The following ELSPBP1 variants were observed in gnomAD, a reference collection of about 807,000 sequenced individuals.
ELSPBP1 encodes epididymal sperm-binding protein 1.
ELSPBP1 carries 38 observed loss-of-function variants against 33.3 expected under a neutral mutation model. The ratio of observed to expected loss-of-function variants is 1.14; its 90% confidence interval spans 0.88 to 1.50. The LOEUF (loss-of-function observed/expected upper bound fraction) is 1.50. Ranked by LOEUF, ELSPBP1 falls within the 40% of genes most tolerant of loss-of-function variation. The pLI, the probability that ELSPBP1 is intolerant of heterozygous loss-of-function variation, is 0.00. For synonymous variants in ELSPBP1, 85 were observed against 94.1 expected, an observed-to-expected ratio of 0.90 and a Z score of 0.56; for missense variants, 267 against 263.5, an observed-to-expected ratio of 1.01 and a Z score of -0.09.
chr19:48,022,819 G>A (rs997565003), intron 6 of ELSPBP1, among the ~76,000 whole-genome samples: 2 of 151,730 alleles, frequency 1.3e-5, no homozygotes, highest in African/African-American at 4.8e-5. Flanking sequence ...GGGAGGCCAA[G>A]GCAGGAGGAT....
At chr19:48,016,145 G>A in intron 4 of ELSPBP1, 106 bp downstream of exon 4, 3 of 1,369,002 alleles carry the variant, frequency 2.2e-6, no homozygotes. Context: ...CACCCAGGGG[G>A]AAGTACTTAC....
intron 6 of ELSPBP1, among the ~76,000 whole-genome samples, chr19:48,023,552 G>GAA: frequency 7.2e-6 from 1 of 138,152 alleles, no homozygotes; most frequent in Non-Finnish European, 1.6e-5. Flanking sequence ...AGGAAGAAAA[G>GAA]GGAAGGGAAA....
Position 48,019,689 on chromosome 19 carries a change from G to A in ELSPBP1, c.356-30G>A, listed in dbSNP as rs771852481. Reference sequence around the variant, plus strand: ...GAAGCTCTTTTCATCTCCTCTTCTTGACCCGTAACCTTTCCATAATCCTTT... The same window carrying A: ...GAAGCTCTTTTCATCTCCTCTTCTTAACCCGTAACCTTTCCATAATCCTTT... On this transcript the variant is annotated intron_variant, in intron 4 of 6. Transcript: ENST00000339841. The A allele has an allele frequency of 1.1e-5, 17 of 1,597,826 alleles. No individual in the cohort carries two copies. In the Admixed American group the frequency reaches 1.9e-4, roughly 18 times the overall value.
In ELSPBP1 at chr19:48,011,480, A is replaced by G. The variant is rs1283213004; in HGVS notation, c.71-2691A>G. Among the ~76,000 whole-genome samples, 1 of 151,764 alleles carries G rather than the reference A, an allele frequency of 6.6e-6. No individual in the cohort carries two copies. Among genetic ancestry groups the G allele is most frequent in the Non-Finnish European group, 1.5e-5 (1 of 67,922 alleles). Reference sequence around the variant, plus strand: ...GATGACAATGACAATAATGAGGTTGATGATAATGACAATGACTGATAATGA... The same window carrying G: ...GATGACAATGACAATAATGAGGTTGGTGATAATGACAATGACTGATAATGA... On this transcript the variant is annotated intron_variant, in intron 2 of 6. Transcript: ENST00000339841. This position sits in a 1 kb window ranked among gnomAD's most constrained non-coding sequence, Gnocchi z 4.5.
intron 2 of ELSPBP1, among the ~76,000 whole-genome samples, chr19:48,012,360 C>G (rs997618255): frequency 6.6e-6 from 1 of 151,830 alleles, no homozygotes; most frequent in African/African-American, 2.4e-5. Context: ...TGAAGCGATC[C>G]GCCCACCTCA....
At chr19:48,016,795 C>T (rs934742339) in intron 4 of ELSPBP1, among the ~76,000 whole-genome samples, 1 of 151,854 alleles carries the variant, frequency 6.6e-6, no homozygotes, top group African/African-American at 2.4e-5. Flanking sequence ...CACGGGGTTT[C>T]ACCATGTTGG....
At chr19:47,999,926 G>T (rs1486958493) in intron 1 of ELSPBP1, among the ~76,000 whole-genome samples, 1 of 151,632 alleles carries the variant, frequency 6.6e-6, no homozygotes, top group Non-Finnish European at 1.5e-5. Flanking sequence ...GGGCTCAAGT[G>T]ATCCTTCCCC....
intron 1 of ELSPBP1, among the ~76,000 whole-genome samples, chr19:47,997,420 C>T (rs574882192): frequency 6.6e-6 from 1 of 152,148 alleles, no homozygotes; most frequent in East Asian, 1.9e-4. Context: ...TTACACATGC[C>T]TGTATACATA....
rs149802379 is a variant in ELSPBP1, at chr19:48,013,545, C to T, written c.71-626C>T. On this transcript the variant is annotated intron_variant, in intron 2 of 6. Coordinates refer to ENST00000339841, the MANE Select transcript of ELSPBP1 (RefSeq NM_022142.5). ...CAGCCTGGCCAACATGGCAAAACCCCGTCTCTACTAAAAATACAAAAATTT... is the reference window on the plus strand; with the variant it reads ...CAGCCTGGCCAACATGGCAAAACCCTGTCTCTACTAAAAATACAAAAATTT... 3.8e-3 allele frequency among the ~76,000 whole-genome samples: 583 copies of T among 152,080 alleles called. 3 individuals carry two copies. Among genetic ancestry groups the T allele is most frequent in the Non-Finnish European group, 6.6e-3 (450 of 67,974 alleles).
At chr19:48,012,608 A>G (rs1967090335) in intron 2 of ELSPBP1, among the ~76,000 whole-genome samples, 1 of 152,010 alleles carries the variant, frequency 6.6e-6, no homozygotes, top group East Asian at 1.9e-4. Context: ...AACTTATTTT[A>G]TTGTTTCTGT....
chr19:48,023,481 G>GGGAGGGGAGGAGGGAA (rs1967230448), intron 6 of ELSPBP1, among the ~76,000 whole-genome samples: 1 of 43,684 alleles, frequency 2.3e-5, no homozygotes, highest in South Asian at 1.5e-3. Context: ...GAAGGGAGGA[G>GGGAGGGGAGGAGGGAA]GGAAGGGAGG....
rs534994394 is a variant in ELSPBP1, at chr19:48,011,327, ATGAC to A, written c.70+2594_70+2597del. ...AATGAGGTTGATAATGATGGTGACA[ATGAC>A]TGATGATGATGACAATTATGACGAT... On this transcript the variant is annotated intron_variant, in intron 2 of 6. Transcript: ENST00000339841. This position sits in a 1 kb window ranked among gnomAD's most constrained non-coding sequence, Gnocchi z 4.5. Among the ~76,000 whole-genome samples, 235 of 151,984 alleles carry A rather than the reference ATGAC, an allele frequency of 1.5e-3. 4 individuals carry two copies. In the South Asian group the frequency reaches 0.02, roughly 13 times the overall value.
At chr19:48,007,053 T>G (rs1967027896) in intron 1 of ELSPBP1, among the ~76,000 whole-genome samples, 1 of 152,148 alleles carries the variant, frequency 6.6e-6, no homozygotes, top group Non-Finnish European at 1.5e-5. Flanking sequence ...TATCTGGGTT[T>G]CTTGCTAAAA....
At position 48,011,085 on chromosome 19, in the gene ELSPBP1, C is replaced by G. The variant is rs966103989; in HGVS notation, c.70+2348C>G. ...ATGACAATGATGACGGTAATGATGA[C>G]AACAATAATAGCGACAATGACAATG... On this transcript the variant is annotated intron_variant, in intron 2 of 6. Coordinates refer to ENST00000339841, the MANE Select transcript of ELSPBP1 (RefSeq NM_022142.5). This position sits in a 1 kb window ranked among gnomAD's most constrained non-coding sequence, Gnocchi z 4.5. 1.3e-5 allele frequency among the ~76,000 whole-genome samples: 2 copies of G among 151,442 alleles called. No individual in the cohort carries two copies. Among genetic ancestry groups the G allele is most frequent in the Non-Finnish European group, 2.9e-5 (2 of 67,862 alleles).
intron 2 of ELSPBP1, 65 bp from the exon 3 acceptor site, chr19:48,014,106 A>G: frequency 2.5e-6 from 4 of 1,569,950 alleles, no homozygotes; most frequent in Non-Finnish European, 3.5e-6. Flanking sequence ...AGCCAAACCA[A>G]GACTCATCCT....
chr19:48,001,077 C>G (rs1001514687), intron 1 of ELSPBP1, among the ~76,000 whole-genome samples: 2 of 152,068 alleles, frequency 1.3e-5, no homozygotes, highest in African/African-American at 2.4e-5. Flanking sequence ...TTCTAAAGGT[C>G]GCCTGCATTC....
chr19:48,004,091 G>A lies in ELSPBP1; in HGVS notation c.-17-4560G>A, dbSNP rs575318432. On this transcript the variant is annotated intron_variant, in intron 1 of 6. Coordinates refer to ENST00000339841, the MANE Select transcript of ELSPBP1 (RefSeq NM_022142.5). ...CCCGAGTAGCTGGAATTACAGGCAC[G>A]CACCATCATGTGGAGGGAATTTTTG... 8.6e-5 allele frequency among the ~76,000 whole-genome samples: 13 copies of A among 151,630 alleles called. 1 individual carries two copies. The highest frequency in any genetic ancestry group is 6.3e-4 in the South Asian group (3 of 4,796).
chr19:48,016,667 C>T (rs2092387707), intron 4 of ELSPBP1, among the ~76,000 whole-genome samples: 2 of 151,488 alleles, frequency 1.3e-5, no homozygotes, highest in African/African-American at 4.8e-5. Flanking sequence ...GGAATGATCT[C>T]AGGTCACTGC....
chr19:48,006,621 C>CAAA (rs1190341508), intron 1 of ELSPBP1, among the ~76,000 whole-genome samples: 253 of 20,854 alleles, frequency 0.012, 11 homozygotes, highest in African/African-American at 0.036. Flanking sequence ...GACCCTGTCT[C>CAAA]AAAAAAAAAA....
Sources: allele counts gnomAD v4.1 joint callset (sites outside exome capture counted in the v4.1 genomes callset), GRCh38; gene constraint gnomAD v4.1.1; non-coding constraint Gnocchi (gnomAD v3.1); transcripts MANE v1.5; gene names NCBI Gene and HGNC (gene_info 2026-07-23, HGNC 2026-07-21).